ANGEL1: variants seen among roughly 807,000 people sequenced by gnomAD.
ANGEL1 encodes the protein angel homolog 1.
Under a neutral mutation model 76.4 loss-of-function variants are expected in ANGEL1, and 62 were observed. That is an observed-to-expected ratio of 0.81 (90% CI 0.66 to 1.00). The LOEUF (loss-of-function observed/expected upper bound fraction) is 1.00. Ranked by LOEUF, ANGEL1 falls within the 50% of genes least tolerant of loss-of-function variation. The pLI is 0.00. For missense variants in ANGEL1, 737 were observed against 836.7 expected, an observed-to-expected ratio of 0.88 and a Z score of 1.47; for synonymous variants, 340 against 331.7, an observed-to-expected ratio of 1.03 and a Z score of -0.27.
In ANGEL1 at chr14:76,786,280, C is replaced by T. The variant is rs1468461364; in HGVS notation, c.*2948G>A. ...CCAGGTTCAAGCAATTCTCCTGCCTCAGCCTCCAAGTAGCTGGGATTACAG... is the reference window on the plus strand; with the variant it reads ...CCAGGTTCAAGCAATTCTCCTGCCTTAGCCTCCAAGTAGCTGGGATTACAG... On this transcript the variant is annotated 3_prime_UTR_variant, in exon 10 of 10. Coordinates refer to ENST00000251089, the MANE Select transcript of ANGEL1 (RefSeq NM_015305.4). The T allele has an allele frequency of 6.6e-6, 1 of 152,088 alleles. No individual in the cohort carries two copies. The highest frequency in any genetic ancestry group is 1.5e-5 in the Non-Finnish European group (1 of 68,176). The allele number at this position is 152,088 out of a possible 1,614,324, so 9.4% of individuals were successfully genotyped here. A position where few individuals can be genotyped will look rare whatever the true frequency, so the allele number is the denominator to read the frequency against.
intron 4 of ANGEL1, 152 bp from the exon 5 acceptor site, chr14:76,807,001 C>T: frequency 1.1e-6 from 1 of 883,524 alleles, no homozygotes; most frequent in Non-Finnish European, 1.7e-6. Flanking sequence ...TCAGCAGGTT[C>T]CCCCTTACAT....
intron 2 of ANGEL1, among the ~76,000 whole-genome samples, chr14:76,808,627 A>G (rs1463627382): frequency 6.6e-6 from 1 of 152,134 alleles, no homozygotes; most frequent in Non-Finnish European, 1.5e-5. Flanking sequence ...AAATCTATTG[A>G]CGCCATTCTT....
rs1455117210 is a variant in ANGEL1, at chr14:76,790,607, T to A, written c.1852+4A>T. 1.2e-6 allele frequency: 2 copies of A among 1,609,964 alleles called. No individual in the cohort carries two copies. The highest frequency in any genetic ancestry group is 1.7e-6 in the Non-Finnish European group (2 of 1,177,224). On this transcript the variant is annotated splice_donor_region_variant and intron_variant, in intron 9 of 9. Transcript: ENST00000251089. ...TGGAGGAACCCAGGATCCATCAGGCTTACCAGTTCTGTTCCCATTCTCACA... is the reference window on the plus strand; with the variant it reads ...TGGAGGAACCCAGGATCCATCAGGCATACCAGTTCTGTTCCCATTCTCACA...
intron 7 of ANGEL1, among the ~76,000 whole-genome samples, chr14:76,792,164 GA>G (rs1287244687): frequency 6.6e-6 from 1 of 152,090 alleles, no homozygotes; most frequent in Admixed American, 6.6e-5. Context: ...ATATAAAATT[GA>G]AAAATTCCTA....
chr14:76,790,138 C>T (rs1566694536), intron 9 of ANGEL1, among the ~76,000 whole-genome samples: 4 of 151,990 alleles, frequency 2.6e-5, no homozygotes. Context: ...CTGGGATTAC[C>T]GGTGTGAACC....
chr14:76,810,331 G>A (rs1157193331), intron 1 of ANGEL1: 1 of 397,976 alleles, frequency 2.5e-6, no homozygotes, highest in Non-Finnish European at 5.1e-6. Flanking sequence ...TGAAATGAGA[G>A]GATTGCTTGA....
chr14:76,812,425 G>T, intron 1 of ANGEL1: 1 of 1,133,834 alleles, frequency 8.8e-7, no homozygotes, highest in Non-Finnish European at 1.1e-6. Context: ...CGACCCGCCG[G>T]GGTGCTGACT....
At chr14:76,795,737 T>C (rs970578733) in intron 7 of ANGEL1, among the ~76,000 whole-genome samples, 1 of 152,216 alleles carries the variant, frequency 6.6e-6, no homozygotes, top group African/African-American at 2.4e-5. Context: ...ATTACATTTA[T>C]ATGCCATCCA....
chr14:76,795,033 G>A (rs1452559611), intron 7 of ANGEL1, among the ~76,000 whole-genome samples: 1 of 152,066 alleles, frequency 6.6e-6, no homozygotes, highest in Non-Finnish European at 1.5e-5. Context: ...TCCAAACACA[G>A]TTAAATTATG....
At chr14:76,795,648 CTG>C (rs1894554929) in intron 7 of ANGEL1, among the ~76,000 whole-genome samples, 3 of 152,182 alleles carry the variant, frequency 2.0e-5, no homozygotes, top group Admixed American at 1.3e-4. Flanking sequence ...GACTGTATCT[CTG>C]AGAACTTTTC....
intron 1 of ANGEL1, among the ~76,000 whole-genome samples, chr14:76,811,781 C>T (rs1263226481): frequency 6.6e-6 from 1 of 152,158 alleles, no homozygotes. Context: ...AGAGATACAG[C>T]GAACAAAATG....
intron 7 of ANGEL1, among the ~76,000 whole-genome samples, chr14:76,794,117 G>A: frequency 6.6e-6 from 1 of 152,144 alleles, no homozygotes; most frequent in South Asian, 2.1e-4. Flanking sequence ...ATGGTCAATT[G>A]ATTTTTGACA....
chr14:76,806,977 G>A (rs929799414), intron 4 of ANGEL1, 128 bp from the exon 5 acceptor site: 4 of 1,084,700 alleles, frequency 3.7e-6, no homozygotes, highest in African/African-American at 3.2e-5. Context: ...AGGAGCCTTT[G>A]CCACTTCCTT....
intron 6 of ANGEL1, 94 bp from the exon 7 acceptor site, chr14:76,803,575 C>T: frequency 7.3e-7 from 1 of 1,378,004 alleles, no homozygotes; most frequent in Non-Finnish European, 1.0e-6. Flanking sequence ...CATAGGTACA[C>T]AGAGGAAGCA....
In ANGEL1 at chr14:76,788,898, G is replaced by A; in HGVS notation, c.*330C>T. On this transcript the variant is annotated 3_prime_UTR_variant, in exon 10 of 10. Transcript: ENST00000251089. ...AACGGCCTGAAAGCAAATAACCAAT[G>A]AAATCAAGAACTCCCATAACCCTGG... The A allele has an allele frequency of 4.0e-6, 1 of 252,334 alleles. No homozygotes were observed. Among genetic ancestry groups the A allele is most frequent in the Non-Finnish European group, 7.6e-6 (1 of 131,880 alleles). 15.6% of individuals were successfully genotyped at this position (252,334 alleles called of 1,614,324 possible). A position where few individuals can be genotyped will look rare whatever the true frequency, so the allele number is the denominator to read the frequency against.
Position 76,809,554 on chromosome 14 carries a change from G to C in ANGEL1, c.154C>G (p.Pro52Ala), listed in dbSNP as rs1314424662. Reference protein sequence around the residue: ...EGDFAMAPRGPEQEECEGLLQ... With the variant: ...EGDFAMAPRGAEQEECEGLLQ... ...AGGCCCTCACATTCCTCCTGCTCAG[G>C]GCCCCGAGGGGCCATGGCAAAGTCG... Residue 52 changes from proline to alanine, a missense_variant, in exon 2 of 10, where the codon CCT (proline) becomes GCT (alanine). Transcript: ENST00000251089. The C allele has an allele frequency of 6.2e-7, 1 of 1,614,050 alleles. No individual in the cohort carries two copies. The highest frequency in any genetic ancestry group is 2.2e-5 in the East Asian group (1 of 44,890).
chr14:76,800,227 AT>A (rs2140220129), intron 7 of ANGEL1, among the ~76,000 whole-genome samples: 1 of 152,326 alleles, frequency 6.6e-6, no homozygotes, highest in South Asian at 2.1e-4. Flanking sequence ...TTACTATGAA[AT>A]TATCTAAGTG....
chr14:76,799,938 TTCA>T (rs1894712148), intron 7 of ANGEL1, among the ~76,000 whole-genome samples: 1 of 151,424 alleles, frequency 6.6e-6, no homozygotes, highest in Non-Finnish European at 1.5e-5. Context: ...AGATTTGAGA[TTCA>T]TCAAGAGCCT....
intron 1 of ANGEL1, chr14:76,812,282 T>C: frequency 1.0e-6 from 1 of 990,498 alleles, no homozygotes. Flanking sequence ...CAGGTGGCAG[T>C]GAAAGGCGAG....
Sources: gnomAD v4.1 joint callset for allele counts (sites outside exome capture counted in the v4.1 genomes callset) on GRCh38, gnomAD v4.1.1 for gene constraint, MANE v1.5 for transcripts, NCBI Gene and HGNC (gene_info 2026-07-23, HGNC 2026-07-21) for gene names.